The following FAT1 variants were observed in gnomAD, a reference collection of about 807,000 sequenced individuals.
FAT1 encodes protocadherin Fat 1.
A neutral mutation model predicts 329.8 loss-of-function variants in FAT1; 171 were observed. That is an observed-to-expected ratio of 0.52 (90% CI 0.46 to 0.59). The LOEUF (loss-of-function observed/expected upper bound fraction) is 0.59, where lower values mean the gene tolerates loss of function less well. Ranked by LOEUF, FAT1 falls within the 20% of genes least tolerant of loss-of-function variation. The pLI is 0.00. For missense variants in FAT1, 5,672 were observed against 5,774.4 expected (o/e 0.98, Z 0.57); for synonymous variants, 2,233 against 2,228.6 (o/e 1.00, Z -0.06).
At chr4:186,682,958 G>A (rs1743296438) in intron 2 of FAT1, among the ~76,000 whole-genome samples, 1 of 152,152 alleles carries the variant, frequency 6.6e-6, no homozygotes, top group East Asian at 1.9e-4. Context: ...TGGTAAGGCA[G>A]GGTCACTCCC....
At chr4:186,637,275 A>C (rs1740879084) in intron 4 of FAT1, among the ~76,000 whole-genome samples, 1 of 152,234 alleles carries the variant, frequency 6.6e-6, no homozygotes, top group Non-Finnish European at 1.5e-5. Flanking sequence ...GAGATACGTG[A>C]AGATTCTGCT....
chr4:186,596,514 T>C lies in FAT1; in HGVS notation c.13000+26A>G, dbSNP rs1420064088. The C allele has an allele frequency of 1.3e-6, 2 of 1,596,778 alleles. No individual in the cohort carries two copies. The highest frequency in any genetic ancestry group is 1.7e-6 in the Non-Finnish European group (2 of 1,173,138). ...TCACTGTTTATCTCAAGTGACACTT[T>C]AGTGAGATGAAAAAGTGGCTCTTAC... On this transcript the variant is annotated intron_variant, in intron 25 of 26. Transcript: ENST00000441802. This position sits in a 1 kb window ranked among gnomAD's most constrained non-coding sequence, Gnocchi z 4.7.
At position 186,617,989 on chromosome 4, in the gene FAT1, G is replaced by A. The variant is rs750263447; in HGVS notation, c.8597C>T (p.Thr2866Ile). The change falls in exon 10 of 27, where the codon ACA becomes ATA. Residue 2866 changes from threonine to isoleucine, a missense_variant. By Grantham distance (89) the Thr-to-Ile change is moderately conservative (BLOSUM62 -1). Coordinates refer to ENST00000441802, the MANE Select transcript of FAT1 (RefSeq NM_005245.4). ...TTCCTTTAAAGTTGTAATCCAGCCT[G>A]TTTCCATGTTAATGGCAAAGGATTC... The part of the protein sequence containing the change: ...VIESFAINME[T>I]GWITTLKELD... 4 of 1,613,972 alleles carry A rather than the reference G, an allele frequency of 2.5e-6. No homozygotes were observed. The highest frequency in any genetic ancestry group is 3.4e-6 in the Non-Finnish European group (4 of 1,179,886).
At chr4:186,691,719 G>A (rs1743771080) in intron 2 of FAT1, among the ~76,000 whole-genome samples, 1 of 152,052 alleles carries the variant, frequency 6.6e-6, no homozygotes, top group Admixed American at 6.6e-5. Context: ...GTGGTGGGAG[G>A]ATTGCTTGAG....
Position 186,589,171 on chromosome 4 carries a change from G to T in FAT1, c.13188C>A (p.Asp4396Glu). Residue 4396 changes from aspartate (D) to glutamate (E), a missense_variant, in exon 27 of 27, where the codon GAC becomes GAA. Transcript: ENST00000441802. ...CCTCATAGTTGGGGAACTCTTGTAT[G>T]TCCGGCAGAGGAACGCTTGGCATCC... ...SDWMPSVPLPDIQEFPNYEVI... is the reference protein window; with the variant it reads ...SDWMPSVPLPEIQEFPNYEVI... The T allele has an allele frequency of 6.2e-7, 1 of 1,613,756 alleles. No homozygotes were observed. Among genetic ancestry groups the T allele is most frequent in the Non-Finnish European group, 8.5e-7 (1 of 1,179,824 alleles).
intron 26 of FAT1, among the ~76,000 whole-genome samples, chr4:186,589,959 ATTAAC>A (rs1295548310): frequency 1.3e-5 from 2 of 152,188 alleles, no homozygotes; most frequent in Non-Finnish European, 2.9e-5. Flanking sequence ...CAGACAACAA[ATTAAC>A]TTAATATAGG....
intron 2 of FAT1, among the ~76,000 whole-genome samples, chr4:186,692,438 G>A (rs1473112181): frequency 5.3e-5 from 8 of 151,818 alleles, no homozygotes; most frequent in Admixed American, 2.6e-4. Context: ...TCAGCCTCCC[G>A]AGTAGCTGGG....
chr4:186,688,451 G>A (rs181781764), intron 2 of FAT1, among the ~76,000 whole-genome samples: 108 of 152,210 alleles, frequency 7.1e-4, no homozygotes, highest in Admixed American at 1.4e-3. Context: ...CAGGGGCTTC[G>A]GCAAATCCCC....
rs1165523139 is a variant in FAT1, at chr4:186,617,886, G to A, written c.8700C>T (p.Ser2900=). The change falls in exon 10 of 27, where the codon TCC becomes TCT. Residue 2900 remains serine (S), a synonymous_variant. Transcript: ENST00000441802. The part of the protein sequence containing the change: ...SDHGEKIQLS[S]TAIVDVTVTD... ...TGACGGTAACATCCACAATGGCTGTGGAGGATAGCTGGATCTTTTCACCAT... is the reference window on the plus strand; with the variant it reads ...TGACGGTAACATCCACAATGGCTGTAGAGGATAGCTGGATCTTTTCACCAT... The A allele has an allele frequency of 6.2e-7, 1 of 1,613,964 alleles. No individual in the cohort carries two copies. Among genetic ancestry groups the A allele is most frequent in the South Asian group, 1.1e-5 (1 of 91,082 alleles).
At chr4:186,606,616 A>G (rs1306132452) in intron 16 of FAT1, among the ~76,000 whole-genome samples, 7 of 152,198 alleles carry the variant, frequency 4.6e-5, no homozygotes, top group Admixed American at 3.3e-4. Context: ...CAGTGGAAGT[A>G]GACAGACATG....
At chr4:186,675,031 CTCAAAA>C (rs1042843711) in intron 2 of FAT1, among the ~76,000 whole-genome samples, 1 of 151,916 alleles carries the variant, frequency 6.6e-6, no homozygotes, top group Non-Finnish European at 1.5e-5. Context: ...GAGACCTTGT[CTCAAAA>C]ACAAAAACAA....
At chr4:186,604,318 A>T (rs2126437462) in intron 18 of FAT1, 59 bp downstream of exon 18, 1 of 1,408,256 alleles carries the variant, frequency 7.1e-7, no homozygotes, top group Non-Finnish European at 9.8e-7. Flanking sequence ...GAGGGGAACC[A>T]CGCCAAGCAG....
chr4:186,684,929 A>G (rs1434420613), intron 2 of FAT1, among the ~76,000 whole-genome samples: 3 of 152,200 alleles, frequency 2.0e-5, no homozygotes, highest in African/African-American at 2.4e-5. Flanking sequence ...CAACCAAGTC[A>G]TGAATTCAGG....
intron 26 of FAT1, among the ~76,000 whole-genome samples, chr4:186,593,978 A>G (rs1481652887): frequency 1.3e-5 from 2 of 151,788 alleles, no homozygotes; most frequent in African/African-American, 4.8e-5. Context: ...AAATAAAAAC[A>G]CTCCTGTATA....
In FAT1 at chr4:186,611,862, C is replaced by T. The variant is rs193138214; in HGVS notation, c.9464-87G>A. The T allele has an allele frequency of 2.2e-4, 238 of 1,060,766 alleles. 1 individual carries two copies. In the East Asian group the frequency reaches 4.3e-3, roughly 19 times the overall value. The allele number at this position is 1,060,766 out of a possible 1,614,324, so 65.7% of individuals were successfully genotyped here. On this transcript the variant is annotated intron_variant, in intron 13 of 26. Coordinates refer to ENST00000441802, the MANE Select transcript of FAT1 (RefSeq NM_005245.4). Reference sequence around the variant, plus strand: ...TTTTTGAGATGGAGTCTCCCTCTGTCGCCCAGGCTGGAGTGCAGTGGCGTG... The same window carrying T: ...TTTTTGAGATGGAGTCTCCCTCTGTTGCCCAGGCTGGAGTGCAGTGGCGTG...
In FAT1 at chr4:186,707,095, G is replaced by A. The variant is rs770068397; in HGVS notation, c.2733C>T (p.Val911=). Reference sequence around the variant, plus strand: ...CATCTTCTAGTGATACTTTCACAACGACAGTGGAGAACAGCTGAGGCTCTT... The same window carrying A: ...CATCTTCTAGTGATACTTTCACAACAACAGTGGAGAACAGCTGAGGCTCTT... ...AREEPQLFST[V]VVKVSLEDVN... is the part of the protein sequence containing the mutation. Residue 911 remains valine (V), a synonymous_variant, in exon 2 of 27, where the codon GTC becomes GTT. Transcript: ENST00000441802. 1.4e-5 allele frequency: 22 copies of A among 1,613,864 alleles called. No individual in the cohort carries two copies. Among genetic ancestry groups the A allele is most frequent in the Non-Finnish European group, 1.7e-5 (20 of 1,179,904 alleles).
chr4:186,653,229 GA>G lies in FAT1; in HGVS notation c.3580+10069del, dbSNP rs1466161420. Among the ~76,000 whole-genome samples the G allele has an allele frequency of 3.3e-5, 5 of 152,202 alleles. No individual in the cohort carries two copies. The East Asian group carries it at 9.7e-4, about 29-fold the overall frequency. On this transcript the variant is annotated intron_variant, in intron 3 of 26. Coordinates refer to ENST00000441802, the MANE Select transcript of FAT1 (RefSeq NM_005245.4). ...AAACTTAACAGGACACATCAACACA[GA>G]AAAAGTAGGAAAACCTCAAAATCTA...
intron 17 of FAT1, 96 bp from the exon 18 acceptor site, chr4:186,604,670 T>C (rs1245292886): frequency 3.9e-6 from 3 of 766,550 alleles, no homozygotes; most frequent in Non-Finnish European, 4.1e-6. Flanking sequence ...ATAAAATACA[T>C]ACAAAACAAA....
chr4:186,676,347 T>G (rs1018560236), intron 2 of FAT1, among the ~76,000 whole-genome samples: 1 of 151,704 alleles, frequency 6.6e-6, no homozygotes, highest in Non-Finnish European at 1.5e-5. Context: ...TACGGATGAG[T>G]TAATTTTATC....
Sources: allele counts gnomAD v4.1 joint callset (sites outside exome capture counted in the v4.1 genomes callset), GRCh38; gene constraint gnomAD v4.1.1; non-coding constraint Gnocchi (gnomAD v3.1); transcripts MANE v1.5; gene names NCBI Gene and HGNC (gene_info 2026-07-23, HGNC 2026-07-21).